SLC24A2: variants seen among roughly 807,000 people sequenced by gnomAD.
SLC24A2 encodes sodium/potassium/calcium exchanger 2.
In SLC24A2, 36 loss-of-function variants were observed where a neutral mutation model predicts 62.0. That is an observed-to-expected ratio of 0.58 (90% CI 0.44 to 0.77). SLC24A2 has a LOEUF of 0.77. Ranked by LOEUF, SLC24A2 falls within the 30% of genes least tolerant of loss-of-function variation. The probability of loss-of-function intolerance (pLI) is 0.00; values close to 1 mark genes in which losing one functional copy is unlikely to be tolerated. For missense variants in SLC24A2, 846 were observed against 817.9 expected (o/e 1.03, Z -0.42); for synonymous variants, 358 against 294.0 (o/e 1.22, Z -2.23).
At chr9:19,749,321 A>T (rs190516973) in intron 2 of SLC24A2, among the ~76,000 whole-genome samples, 56 of 152,102 alleles carry the variant, frequency 3.7e-4, no homozygotes, top group African/African-American at 1.3e-3. Flanking sequence ...ATCTTTTTTG[A>T]CCATATTTTT....
the SLC24A2 span, among the ~76,000 whole-genome samples, chr9:19,939,170 G>A: frequency 6.6e-6 from 1 of 152,190 alleles, no homozygotes; most frequent in Admixed American, 6.5e-5. Context: ...CTGGTGTTCT[G>A]GAATGAGTAT....
At chr9:19,760,532 C>T (rs1054725238) in intron 2 of SLC24A2, among the ~76,000 whole-genome samples, 1 of 151,796 alleles carries the variant, frequency 6.6e-6, no homozygotes, top group Non-Finnish European at 1.5e-5. Flanking sequence ...CTGACCCCCC[C>T]AACAGGCTCC....
chr9:19,969,012 G>C, the SLC24A2 span, among the ~76,000 whole-genome samples: 3 of 152,060 alleles, frequency 2.0e-5, no homozygotes, highest in Non-Finnish European at 4.4e-5. Context: ...TGTTCTACCA[G>C]ACATTCTTCA....
chr9:19,973,726 C>G, the SLC24A2 span, among the ~76,000 whole-genome samples: 1 of 152,170 alleles, frequency 6.6e-6, no homozygotes, highest in African/African-American at 2.4e-5. Context: ...TACCTCCAAA[C>G]CAGATACATT....
chr9:19,653,729 T>A (rs1219183503), intron 2 of SLC24A2, among the ~76,000 whole-genome samples: 3 of 152,226 alleles, frequency 2.0e-5, no homozygotes, highest in Non-Finnish European at 2.9e-5. Flanking sequence ...GCACAATGCC[T>A]GGCATATAGT....
the SLC24A2 span, among the ~76,000 whole-genome samples, chr9:20,033,998 T>C: frequency 1.4e-4 from 22 of 152,124 alleles, no homozygotes; most frequent in African/African-American, 4.8e-4. Context: ...AACCTCAAAA[T>C]TACCACATTA....
chr9:19,730,668 CAT>C (rs1821308735), intron 2 of SLC24A2, among the ~76,000 whole-genome samples: 2 of 152,184 alleles, frequency 1.3e-5, no homozygotes, highest in African/African-American at 4.8e-5. Context: ...AGAATACACA[CAT>C]ATGTATATTG....
chr9:19,714,981 T>A (rs1263630854), intron 2 of SLC24A2, among the ~76,000 whole-genome samples: 3 of 151,972 alleles, frequency 2.0e-5, no homozygotes, highest in Non-Finnish European at 4.4e-5. Context: ...AATCCAAGAA[T>A]TTATGTGAGA....
At chr9:19,709,789 T>C (rs1820659172) in intron 2 of SLC24A2, among the ~76,000 whole-genome samples, 1 of 147,336 alleles carries the variant, frequency 6.8e-6, no homozygotes, top group South Asian at 2.3e-4. Flanking sequence ...TTAGGAGATA[T>C]ACCTAATGCT....
At chr9:20,195,035 A>C in the SLC24A2 span, among the ~76,000 whole-genome samples, 1 of 152,186 alleles carries the variant, frequency 6.6e-6, no homozygotes, top group African/African-American at 2.4e-5. Flanking sequence ...TATTAATGGA[A>C]TATTGGATAT....
chr9:19,928,085 C>T, the SLC24A2 span: 1 of 152,372 alleles, frequency 6.6e-6, no homozygotes, highest in Non-Finnish European at 1.5e-5. Context: ...GGCTTTCATC[C>T]TGGGGTCTCC....
the SLC24A2 span, among the ~76,000 whole-genome samples, chr9:20,230,933 G>A: frequency 0.022 from 3,418 of 152,278 alleles, 137 homozygotes; most frequent in African/African-American, 0.077. Flanking sequence ...AAGTGATCCA[G>A]TCTCAGCTTT....
chr9:19,696,961 T>A (rs1820210842), intron 2 of SLC24A2, among the ~76,000 whole-genome samples: 1 of 152,138 alleles, frequency 6.6e-6, no homozygotes, highest in Non-Finnish European at 1.5e-5. Context: ...TTATAATAGA[T>A]CCCAATACAT....
At chr9:20,039,991 T>C in the SLC24A2 span, among the ~76,000 whole-genome samples, 5 of 152,242 alleles carry the variant, frequency 3.3e-5, no homozygotes, top group Non-Finnish European at 4.4e-5. Context: ...CCCAGCTCTG[T>C]GTCATTGGGT....
chr9:20,090,437 A>G, the SLC24A2 span, among the ~76,000 whole-genome samples: 5 of 152,270 alleles, frequency 3.3e-5, no homozygotes, highest in African/African-American at 4.8e-5. Flanking sequence ...AGCCCACGCT[A>G]TCAGAGCATT....
At chr9:19,882,655 T>C in the SLC24A2 span, among the ~76,000 whole-genome samples, 4 of 133,178 alleles carry the variant, frequency 3.0e-5, no homozygotes, top group Non-Finnish European at 6.5e-5. Context: ...TTCCTGAGGA[T>C]CTACAGGTTA....
rs553629733 is a variant in SLC24A2, at chr9:19,586,084, A to G, written c.1130-9062T>C. Reference sequence around the variant, plus strand: ...TATCTGTCTTATTTCTTTTTAAGAAACTTAAGGAATTTGTCTTATTCCTTT... The same window carrying G: ...TATCTGTCTTATTTCTTTTTAAGAAGCTTAAGGAATTTGTCTTATTCCTTT... On this transcript the variant is annotated intron_variant, in intron 5 of 10. Coordinates refer to ENST00000341998, the MANE Select transcript of SLC24A2 (RefSeq NM_020344.4). Among the ~76,000 whole-genome samples the G allele has an allele frequency of 1.1e-4, 16 of 152,310 alleles. No homozygotes were observed. The South Asian group carries it at 3.3e-3, about 32-fold the overall frequency.
chr9:19,627,065 T>G (rs1276223515), intron 2 of SLC24A2, among the ~76,000 whole-genome samples: 4 of 152,178 alleles, frequency 2.6e-5, no homozygotes, highest in Non-Finnish European at 4.4e-5. Context: ...TCAAATTACT[T>G]TGACTGGTTG....
the SLC24A2 span, among the ~76,000 whole-genome samples, chr9:19,923,279 T>A: frequency 6.6e-6 from 1 of 152,234 alleles, no homozygotes; most frequent in Non-Finnish European, 1.5e-5. Flanking sequence ...ATTTCTTTCA[T>A]ATTTTAATGT....
Sources: allele counts gnomAD v4.1 joint callset (sites outside exome capture counted in the v4.1 genomes callset), GRCh38; gene constraint gnomAD v4.1.1; transcripts MANE v1.5; gene names NCBI Gene and HGNC (gene_info 2026-07-23, HGNC 2026-07-21).